The following ATP2B2 variants were observed in gnomAD, a reference collection of about 807,000 sequenced individuals.
ATP2B2 encodes plasma membrane calcium-transporting ATPase 2.
In ATP2B2, 15 loss-of-function variants were observed where a neutral mutation model predicts 120.0. That is an observed-to-expected ratio of 0.12 (90% CI 0.08 to 0.19). The LOEUF (loss-of-function observed/expected upper bound fraction) is 0.19. ATP2B2 is among the 10% of genes least tolerant of loss of function. ATP2B2 has a pLI of 1.00. For missense variants in ATP2B2, 1,045 were observed against 1,719.8 expected, an observed-to-expected ratio of 0.61 and a Z score of 6.94; for synonymous variants, 694 against 700.3, an observed-to-expected ratio of 0.99 and a Z score of 0.14.
At chr3:10,437,098 CT>C (rs1666223720) in intron 2 of ATP2B2, among the ~76,000 whole-genome samples, 1 of 152,104 alleles carries the variant, frequency 6.6e-6, no homozygotes, top group South Asian at 2.1e-4. Context: ...TTCTTTTCCC[CT>C]TTAGTGTCAC....
chr3:10,421,605 G>A (rs923967675), intron 2 of ATP2B2, among the ~76,000 whole-genome samples: 4 of 152,176 alleles, frequency 2.6e-5, no homozygotes, highest in East Asian at 1.9e-4. Flanking sequence ...CTTCAAGTTC[G>A]GCTGTCACAG....
chr3:10,698,089 G>A lies in ATP2B2; in HGVS notation c.-460+9826C>T, dbSNP rs186923939. 2.8e-4 allele frequency among the ~76,000 whole-genome samples: 42 copies of A among 152,310 alleles called. No individual in the cohort carries two copies. In the East Asian group the frequency reaches 7.5e-3, roughly 27 times the overall value. On this transcript the variant is annotated intron_variant, in intron 1 of 21. Coordinates refer to the ATP2B2 transcript ENST00000646379. ...TCAGTTTCTGCCTGTGCTCTCAACTGACTCAGAGATAAGTCCTGGTCCATT... is the reference window on the plus strand; with the variant it reads ...TCAGTTTCTGCCTGTGCTCTCAACTAACTCAGAGATAAGTCCTGGTCCATT...
chr3:10,336,376 ACAAGAACAGCCG>A, intron 22 of ATP2B2: 1 of 1,416,624 alleles, frequency 7.1e-7, no homozygotes. Context: ...GGGCAACGTC[ACAAGAACAGCCG>A]CAGCCACGGC....
intron 2 of ATP2B2, among the ~76,000 whole-genome samples, chr3:10,564,946 T>C (rs758553123): frequency 1.3e-5 from 2 of 152,218 alleles, no homozygotes; most frequent in Non-Finnish European, 2.9e-5. Context: ...TCTCTGCAGC[T>C]AGGTGTAGCC....
rs1467914694 is a variant in ATP2B2, at chr3:10,355,795, C to T, written c.2136+2896G>A. Among the ~76,000 whole-genome samples, 27 of 29,906 alleles carry T rather than the reference C, an allele frequency of 9.0e-4. 7 individuals carry two copies. Among genetic ancestry groups the T allele is most frequent in the Non-Finnish European group, 1.3e-4 (2 of 15,186 alleles). 19.6% of individuals were successfully genotyped at this position (29,906 alleles called of 152,430 possible). ...CTTAGAACTACTTGTCCTTTCCGGC[C>T]GGGCGCGGTGGCTCACGCCTGTAAT... On this transcript the variant is annotated intron_variant, in intron 14 of 22. Coordinates refer to ENST00000360273, the MANE Select transcript of ATP2B2 (RefSeq NM_001001331.4).
chr3:10,459,667 C>T (rs1166696883), intron 1 of ATP2B2, among the ~76,000 whole-genome samples: 1 of 152,258 alleles, frequency 6.6e-6, no homozygotes, highest in Non-Finnish European at 1.5e-5. Flanking sequence ...TGCTCCGTCC[C>T]TGTGGATTAC....
At chr3:10,427,436 G>C (rs769976821) in intron 2 of ATP2B2, among the ~76,000 whole-genome samples, 4 of 152,140 alleles carry the variant, frequency 2.6e-5, no homozygotes, top group Non-Finnish European at 4.4e-5. Flanking sequence ...GAGGCTCACT[G>C]CCTTCTGACC....
intron 2 of ATP2B2, among the ~76,000 whole-genome samples, chr3:10,435,347 G>T (rs532372768): frequency 2.0e-5 from 3 of 152,106 alleles, no homozygotes; most frequent in Non-Finnish European, 4.4e-5. Context: ...TCTCATTGAG[G>T]GGGTGGTATG....
At chr3:10,397,556 T>G (rs1297598523) in intron 5 of ATP2B2, among the ~76,000 whole-genome samples, 1 of 152,042 alleles carries the variant, frequency 6.6e-6, no homozygotes, top group Non-Finnish European at 1.5e-5. Context: ...AGGGAAGCCT[T>G]CATGGAGGAG....
At position 10,480,292 on chromosome 3, in the gene ATP2B2, T is replaced by C. The variant is rs76122944; in HGVS notation, c.-320+25173A>G. Among the ~76,000 whole-genome samples, 30 of 152,306 alleles carry C rather than the reference T, an allele frequency of 2.0e-4. No homozygotes were observed. The East Asian group carries it at 5.8e-3, about 29-fold the overall frequency. ...AGGCTAACAACACCGACCGACAGCG[T>C]TGCTGGATTAGAAAAGATGATGCAT... On this transcript the variant is annotated intron_variant, in intron 1 of 22. Transcript: ENST00000360273.
At chr3:10,660,180 T>A (rs2070743234) in intron 1 of ATP2B2, among the ~76,000 whole-genome samples, 1 of 151,966 alleles carries the variant, frequency 6.6e-6, no homozygotes, top group South Asian at 2.1e-4. Flanking sequence ...ACATCACAAT[T>A]AAAAGAACTA....
At chr3:10,418,584 TTC>T (rs202221710) in intron 2 of ATP2B2, among the ~76,000 whole-genome samples, 2,686 of 152,236 alleles carry the variant, frequency 0.018, 40 homozygotes, top group Non-Finnish European at 0.028. Flanking sequence ...TTCTCCCCTG[TTC>T]TGAGGCCCCA....
chr3:10,337,122 CCAT>C (rs1487856220), intron 22 of ATP2B2, among the ~76,000 whole-genome samples: 8 of 152,200 alleles, frequency 5.3e-5, no homozygotes, highest in Non-Finnish European at 1.5e-5. Context: ...GTAGAAGGGG[CCAT>C]CTCCTGGACC....
At chr3:10,384,494 GA>G (rs1254500348) in intron 8 of ATP2B2, among the ~76,000 whole-genome samples, 2 of 152,176 alleles carry the variant, frequency 1.3e-5, no homozygotes, top group African/African-American at 2.4e-5. Flanking sequence ...GCCAGAAGGG[GA>G]TAGAAATCCG....
chr3:10,575,570 T>C (rs147169738), intron 2 of ATP2B2, among the ~76,000 whole-genome samples: 20 of 152,314 alleles, frequency 1.3e-4, no homozygotes, highest in African/African-American at 4.8e-4. Context: ...ATGGGAGCTA[T>C]GGAAGGCTCT....
chr3:10,667,757 G>A (rs911659387), intron 1 of ATP2B2, among the ~76,000 whole-genome samples: 1 of 152,204 alleles, frequency 6.6e-6, no homozygotes, highest in African/African-American at 2.4e-5. Context: ...GCTCTGAGTA[G>A]GAGAGCTGCC....
intron 2 of ATP2B2, among the ~76,000 whole-genome samples, chr3:10,546,123 C>T (rs575569585): frequency 1.1e-4 from 16 of 152,204 alleles, no homozygotes; most frequent in Non-Finnish European, 2.2e-4. Flanking sequence ...CATGTTAGTA[C>T]GCACACAGGC....
chr3:10,681,956 G>T (rs914818791), intron 1 of ATP2B2, among the ~76,000 whole-genome samples: 3 of 152,182 alleles, frequency 2.0e-5, no homozygotes, highest in Non-Finnish European at 4.4e-5. Context: ...TATATGAATG[G>T]ATGATTGGCA....
chr3:10,356,155 C>CGT (rs911717639), intron 14 of ATP2B2, among the ~76,000 whole-genome samples: 2,195 of 26,490 alleles, frequency 0.083, 489 homozygotes, highest in Middle Eastern at 0.18. Flanking sequence ...TGCGTGTGTG[C>CGT]GTGTGTGTGT....
Sources: gnomAD v4.1 joint callset for allele counts (sites outside exome capture counted in the v4.1 genomes callset) on GRCh38, gnomAD v4.1.1 for gene constraint, MANE v1.5 for transcripts, NCBI Gene and HGNC (gene_info 2026-07-23, HGNC 2026-07-21) for gene names.